Variants in SORCS3 observed in about 807,000 individuals in gnomAD.
SORCS3 encodes VPS10 domain-containing receptor SorCS3.
Under a neutral mutation model 146.3 loss-of-function variants are expected in SORCS3, and 57 were observed. The ratio of observed to expected loss-of-function variants is 0.39; its 90% CI spans 0.31 to 0.49. The LOEUF is 0.49. SORCS3 is among the 20% of genes least tolerant of loss of function. The pLI, the probability that SORCS3 is intolerant of heterozygous loss-of-function variation, is 0.92. For synonymous variants in SORCS3, 653 were observed against 618.5 expected, an observed-to-expected ratio of 1.06 and a Z score of -0.83; for missense variants, 1,341 against 1,575.5, an observed-to-expected ratio of 0.85 and a Z score of 2.52.
chr10:105,094,651 C>G (rs2055733326), intron 6 of SORCS3, among the ~76,000 whole-genome samples: 1 of 152,170 alleles, frequency 6.6e-6, no homozygotes, highest in Admixed American at 6.5e-5. Context: ...CTAGCACACT[C>G]TGACAAGGAC....
At chr10:104,931,297 A>G (rs1416284974) in intron 3 of SORCS3, among the ~76,000 whole-genome samples, 1 of 152,160 alleles carries the variant, frequency 6.6e-6, no homozygotes, top group African/African-American at 2.4e-5. Context: ...ACTGCACAAT[A>G]CAGGCAGAGC....
At chr10:104,924,954 G>T (rs571098239) in intron 3 of SORCS3, among the ~76,000 whole-genome samples, 3 of 152,226 alleles carry the variant, frequency 2.0e-5, no homozygotes, top group African/African-American at 7.2e-5. Context: ...GAACGTGCAG[G>T]TTTGTTACAT....
intron 5 of SORCS3, among the ~76,000 whole-genome samples, chr10:105,066,119 T>A (rs2055521270): frequency 6.6e-6 from 1 of 152,198 alleles, no homozygotes; most frequent in Admixed American, 6.5e-5. Flanking sequence ...GAAAGAGTTT[T>A]TAAAAATTAA....
intron 4 of SORCS3, among the ~76,000 whole-genome samples, chr10:104,985,654 A>G (rs546259945): frequency 1.3e-5 from 2 of 152,302 alleles, no homozygotes; most frequent in East Asian, 3.9e-4. Context: ...TCTTAAAATA[A>G]TAAGACTTGA....
intron 5 of SORCS3, among the ~76,000 whole-genome samples, chr10:105,082,354 G>A (rs868268832): frequency 1.6e-4 from 24 of 152,244 alleles, no homozygotes; most frequent in Middle Eastern, 3.4e-3. Context: ...AGTATCAGTC[G>A]GGGAGCTGGG....
At chr10:105,054,024 T>C (rs2055430160) in intron 5 of SORCS3, among the ~76,000 whole-genome samples, 1 of 152,074 alleles carries the variant, frequency 6.6e-6, no homozygotes, top group African/African-American at 2.4e-5. Context: ...TAGTCCATTT[T>C]AATATGCAAA....
At chr10:104,758,569 T>C (rs560600313) in intron 1 of SORCS3, among the ~76,000 whole-genome samples, 1 of 152,290 alleles carries the variant, frequency 6.6e-6, no homozygotes, top group African/African-American at 2.4e-5. Flanking sequence ...ATCTGTTTAG[T>C]GTCTCTCCAA....
At chr10:105,082,904 ATTT>A (rs945671041) in intron 5 of SORCS3, among the ~76,000 whole-genome samples, 1 of 151,850 alleles carries the variant, frequency 6.6e-6, no homozygotes, top group African/African-American at 2.4e-5. Context: ...CTAATTTTGT[ATTT>A]TTAGTAGAGA....
At chr10:105,229,945 C>A (rs1409940006) in intron 20 of SORCS3, among the ~76,000 whole-genome samples, 6 of 152,088 alleles carry the variant, frequency 3.9e-5, no homozygotes, top group African/African-American at 1.4e-4. Flanking sequence ...GGCAGGATAA[C>A]CCTCTGTGTC....
chr10:104,931,974 G>T (rs1177565637), intron 3 of SORCS3, among the ~76,000 whole-genome samples: 1 of 152,176 alleles, frequency 6.6e-6, no homozygotes, highest in African/African-American at 2.4e-5. Context: ...ACTCCACTCT[G>T]GACCTTTGGA....
intron 5 of SORCS3, among the ~76,000 whole-genome samples, chr10:105,067,534 TAATA>T (rs2055530365): frequency 6.6e-6 from 1 of 152,184 alleles, no homozygotes; most frequent in South Asian, 2.1e-4. Flanking sequence ...CTCAAATAAA[TAATA>T]AACCTCAATT....
intron 4 of SORCS3, among the ~76,000 whole-genome samples, chr10:105,023,645 T>C (rs372710189): frequency 6.6e-6 from 1 of 152,084 alleles, no homozygotes; most frequent in Non-Finnish European, 1.5e-5. Flanking sequence ...TTTTAGTCAA[T>C]GCAAAGAGTA....
chr10:105,003,998 CTCT>C (rs2055077867), intron 4 of SORCS3, among the ~76,000 whole-genome samples: 2 of 136,004 alleles, frequency 1.5e-5, no homozygotes, highest in Non-Finnish European at 1.6e-5. Flanking sequence ...TCTCTTCTCT[CTCT>C]TTTTTTTTTT....
intron 2 of SORCS3, among the ~76,000 whole-genome samples, chr10:104,844,554 T>C (rs751069258): frequency 6.6e-6 from 1 of 152,174 alleles, no homozygotes; most frequent in Non-Finnish European, 1.5e-5. Context: ...AGAGACACTA[T>C]ATAGTTTGGT....
At chr10:105,057,060 T>C (rs1428198316) in intron 5 of SORCS3, among the ~76,000 whole-genome samples, 1 of 152,208 alleles carries the variant, frequency 6.6e-6, no homozygotes, top group African/African-American at 2.4e-5. Flanking sequence ...TAAAGAGTTA[T>C]AGAAAAGTTA....
At chr10:105,262,620 G>T in intron 26 of SORCS3, 129 bp downstream of exon 26, 1 of 998,732 alleles carries the variant, frequency 1.0e-6, no homozygotes, top group Non-Finnish European at 1.4e-6. Context: ...ACAGAATCAT[G>T]TTTTAAATTT....
At chr10:105,230,785 T>G (rs538894495) in intron 20 of SORCS3, among the ~76,000 whole-genome samples, 1 of 152,186 alleles carries the variant, frequency 6.6e-6, no homozygotes, top group Admixed American at 6.5e-5. Flanking sequence ...GTAGTCGCTG[T>G]TGGGCCCCAG....
chr10:105,044,747 T>A (rs2133705640), intron 5 of SORCS3, among the ~76,000 whole-genome samples: 1 of 151,938 alleles, frequency 6.6e-6, no homozygotes, highest in South Asian at 2.1e-4. Flanking sequence ...TCGGAGTAGT[T>A]GTGAGAGAAA....
At chr10:105,033,334 A>G (rs900882921) in intron 4 of SORCS3, among the ~76,000 whole-genome samples, 1 of 152,234 alleles carries the variant, frequency 6.6e-6, no homozygotes, top group Non-Finnish European at 1.5e-5. Context: ...GAGTGAAGTC[A>G]GGACCTCTGG....
Sources: allele counts gnomAD v4.1 joint callset (sites outside exome capture counted in the v4.1 genomes callset), GRCh38; gene constraint gnomAD v4.1.1; transcripts MANE v1.5; gene names NCBI Gene and HGNC (gene_info 2026-07-23, HGNC 2026-07-21).